The following CYSTM1 variants were observed in gnomAD, a reference collection of about 807,000 sequenced individuals.
CYSTM1 encodes the protein cysteine-rich transmembrane module-containing protein 1.
CYSTM1 carries 4 observed loss-of-function variants against 13.1 expected under a neutral mutation model. That is an observed-to-expected ratio of 0.31 (90% CI 0.15 to 0.70). CYSTM1 has a LOEUF of 0.70. Ranked by LOEUF, CYSTM1 falls within the 30% of genes least tolerant of loss-of-function variation. CYSTM1 has a pLI of 0.72. For missense variants in CYSTM1, 96 were observed against 121.6 expected (o/e 0.79, Z 0.99); for synonymous variants, 36 against 42.7 (o/e 0.84, Z 0.62).
chr5:140,205,362 C>A (rs1380882733), intron 2 of CYSTM1, among the ~76,000 whole-genome samples: 2 of 152,204 alleles, frequency 1.3e-5, no homozygotes, highest in Admixed American at 6.5e-5. Context: ...GGTCTGGCAT[C>A]TCTGACTAAT....
At chr5:140,179,943 G>A (rs1054789611) in intron 1 of CYSTM1, among the ~76,000 whole-genome samples, 3 of 152,168 alleles carry the variant, frequency 2.0e-5, no homozygotes, top group Non-Finnish European at 2.9e-5. Context: ...GATTACAGAC[G>A]TGAGTCACCG....
chr5:140,235,521 T>C (rs888238661), intron 2 of CYSTM1, among the ~76,000 whole-genome samples: 4 of 151,634 alleles, frequency 2.6e-5, no homozygotes, highest in African/African-American at 9.7e-5. Flanking sequence ...TTCTCCTGCC[T>C]CAGCCTCCTG....
At chr5:140,193,444 G>A (rs1001140841) in intron 1 of CYSTM1, among the ~76,000 whole-genome samples, 1 of 152,090 alleles carries the variant, frequency 6.6e-6, no homozygotes, top group Non-Finnish European at 1.5e-5. Flanking sequence ...CACCATGCCC[G>A]GCTAATTTTT....
chr5:140,241,605 G>A (rs1227276011), intron 2 of CYSTM1, among the ~76,000 whole-genome samples: 1 of 152,238 alleles, frequency 6.6e-6, no homozygotes, highest in Non-Finnish European at 1.5e-5. Flanking sequence ...TCCTGTGACA[G>A]GGAGAGCACA....
At chr5:140,210,280 C>A (rs1333966736) in intron 2 of CYSTM1, among the ~76,000 whole-genome samples, 3 of 152,150 alleles carry the variant, frequency 2.0e-5, no homozygotes, top group Non-Finnish European at 4.4e-5. Context: ...AATTTCTCAG[C>A]CTCAGTGCTA....
intron 2 of CYSTM1, among the ~76,000 whole-genome samples, chr5:140,223,993 C>CATTT (rs988077990): frequency 3.3e-5 from 5 of 152,148 alleles, no homozygotes; most frequent in African/African-American, 1.2e-4. Flanking sequence ...CAGAAAGAAA[C>CATTT]ATTTAATAGG....
chr5:140,190,852 A>G (rs933692142), intron 1 of CYSTM1, among the ~76,000 whole-genome samples: 3 of 152,196 alleles, frequency 2.0e-5, no homozygotes, highest in African/African-American at 7.2e-5. Flanking sequence ...TAATGCTACA[A>G]TTTACACTGT....
intron 2 of CYSTM1, among the ~76,000 whole-genome samples, chr5:140,215,986 C>CA (rs1764421316): frequency 6.6e-6 from 1 of 151,866 alleles, no homozygotes; most frequent in South Asian, 2.1e-4. Flanking sequence ...ACAAAAAATA[C>CA]AAAAAATTAT....
chr5:140,205,237 G>T (rs370211099), intron 2 of CYSTM1, among the ~76,000 whole-genome samples: 1 of 152,112 alleles, frequency 6.6e-6, no homozygotes, highest in Non-Finnish European at 1.5e-5. Context: ...TATATTCCAC[G>T]GTCAGAGATT....
intron 1 of CYSTM1, among the ~76,000 whole-genome samples, chr5:140,182,381 C>T (rs1200951879): frequency 6.6e-6 from 1 of 152,148 alleles, no homozygotes; most frequent in East Asian, 1.9e-4. Flanking sequence ...AGGAAGGCCA[C>T]AGAATGAAGA....
At position 140,243,612 on chromosome 5, in the gene CYSTM1, T is replaced by C; in HGVS notation, c.*201T>C. 8.4e-6 allele frequency: 4 copies of C among 476,164 alleles called. No homozygotes were observed. In the South Asian group the frequency reaches 1.0e-4, roughly 12 times the overall value. The allele number at this position is 476,164 out of a possible 1,614,324, so 29.5% of individuals were successfully genotyped here. ...TGATCTTTTTAATGTCCAAAATCCA[T>C]TTCTTATTGATCTTTAAAGATGTGC... is the stretch of plus-strand genomic sequence containing the variant. On this transcript the variant is annotated 3_prime_UTR_variant, in exon 3 of 3. Coordinates refer to ENST00000261811, the MANE Select transcript of CYSTM1 (RefSeq NM_032412.4).
At chr5:140,231,387 T>A (rs1396241432) in intron 2 of CYSTM1, among the ~76,000 whole-genome samples, 1 of 152,204 alleles carries the variant, frequency 6.6e-6, no homozygotes. Flanking sequence ...GTCTGTCCTA[T>A]GCATGCTCCA....
chr5:140,176,005 G>A (rs190599085), intron 1 of CYSTM1, among the ~76,000 whole-genome samples: 1 of 152,290 alleles, frequency 6.6e-6, no homozygotes, highest in Non-Finnish European at 1.5e-5. Flanking sequence ...TGGGGAAGGA[G>A]ACCATGAGGA....
chr5:140,209,003 C>T (rs1004118692), intron 2 of CYSTM1, among the ~76,000 whole-genome samples: 1 of 149,422 alleles, frequency 6.7e-6, no homozygotes, highest in Non-Finnish European at 1.5e-5. Flanking sequence ...CACGCCACTG[C>T]ACTCCAGCCT....
chr5:140,188,778 C>CAAAAAAAAAAAAAA (rs34915397), intron 1 of CYSTM1, among the ~76,000 whole-genome samples: 1 of 113,480 alleles, frequency 8.8e-6, no homozygotes, highest in African/African-American at 3.4e-5. Flanking sequence ...GACTCCGTCT[C>CAAAAAAAAAAAAAA]AAAAAAAAAA....
chr5:140,218,453 C>G (rs978040858), intron 2 of CYSTM1, among the ~76,000 whole-genome samples: 2 of 152,144 alleles, frequency 1.3e-5, no homozygotes, highest in African/African-American at 4.8e-5. Context: ...TAGGCACTGG[C>G]CTATGTGGAT....
chr5:140,243,541 T>C lies in CYSTM1; in HGVS notation c.*130T>C, dbSNP rs1252431257. ...ACAGACACCTCTACCTTCAGCACTA[T>C]GGGATTCTAGATTAATGGGGGTTGC... On this transcript the variant is annotated 3_prime_UTR_variant, in exon 3 of 3. Transcript: ENST00000261811. 1 of 650,810 alleles carries C rather than the reference T, an allele frequency of 1.5e-6. No homozygotes were observed. Among genetic ancestry groups the C allele is most frequent in the South Asian group, 2.1e-5 (1 of 47,206 alleles). 40.3% of individuals were successfully genotyped at this position (650,810 alleles called of 1,614,324 possible).
In CYSTM1 at chr5:140,219,504, C is replaced by T. The variant is rs1764466547; in HGVS notation, c.188-23801C>T. Among the ~76,000 whole-genome samples the T allele has an allele frequency of 6.6e-6, 1 of 152,152 alleles. No individual in the cohort carries two copies. Among genetic ancestry groups the T allele is most frequent in the African/African-American group, 2.4e-5 (1 of 41,428 alleles). ...TTGAGAATGGTCATCCTGTCCCATC[C>T]CTGACCTTGGAACTCACTGTGTACC... On this transcript the variant is annotated intron_variant, in intron 2 of 2. Transcript: ENST00000261811. The surrounding 1 kb of genome is among the most constrained non-coding windows in gnomAD (Gnocchi z 4.1).
intron 2 of CYSTM1, chr5:140,200,198 G>A (rs1764209938): frequency 6.6e-6 from 1 of 152,198 alleles, no homozygotes; most frequent in Non-Finnish European, 1.5e-5. Context: ...CTTTGCCTAT[G>A]CCTATGTCCT....
Sources: allele counts gnomAD v4.1 joint callset (sites outside exome capture counted in the v4.1 genomes callset), GRCh38; gene constraint gnomAD v4.1.1; non-coding constraint Gnocchi (gnomAD v3.1); transcripts MANE v1.5; gene names NCBI Gene and HGNC (gene_info 2026-07-23, HGNC 2026-07-21).